Variants in SGCD observed in about 807,000 individuals in gnomAD.
The protein encoded by SGCD is delta-sarcoglycan.
A neutral mutation model predicts 36.6 loss-of-function variants in SGCD; 18 were observed. The observed-to-expected ratio is 0.49, with a 90% CI of 0.34 to 0.73. The LOEUF (loss-of-function observed/expected upper bound fraction) is 0.73. SGCD is among the 30% of genes least tolerant of loss of function. The pLI is 0.01. For missense variants in SGCD, 387 were observed against 346.7 expected, an observed-to-expected ratio of 1.12 and a Z score of -0.92; for synonymous variants, 133 against 130.6, an observed-to-expected ratio of 1.02 and a Z score of -0.12.
chr5:156,381,823 G>A (rs1580902082), intron 3 of SGCD, among the ~76,000 whole-genome samples: 1 of 152,082 alleles, frequency 6.6e-6, no homozygotes, highest in East Asian at 1.9e-4. Context: ...CAACATTTAA[G>A]CCTCTGTGAA....
intron 3 of SGCD, among the ~76,000 whole-genome samples, chr5:156,300,790 G>A (rs528725435): frequency 9.2e-5 from 14 of 152,046 alleles, no homozygotes; most frequent in African/African-American, 1.9e-4. Flanking sequence ...ATATCTGAGC[G>A]CTCCATTCTT....
chr5:156,444,120 TTCC>T (rs1561699507), intron 3 of SGCD, among the ~76,000 whole-genome samples: 8,474 of 35,840 alleles, frequency 0.24, 1,336 homozygotes, highest in African/African-American at 0.44. Flanking sequence ...CTCTCTCCCC[TTCC>T]CTCTCTCTCT....
intron 5 of SGCD, 131 bp downstream of exon 5, chr5:156,589,449 A>G (rs1760634037): frequency 3.3e-6 from 2 of 597,068 alleles, no homozygotes; most frequent in African/African-American, 1.8e-5. Context: ...AAGAGAATGT[A>G]GCATGTGTTC....
At chr5:155,914,002 A>G (rs752014207) in intron 1 of SGCD, among the ~76,000 whole-genome samples, 13 of 152,218 alleles carry the variant, frequency 8.5e-5, no homozygotes, top group Non-Finnish European at 1.3e-4. Context: ...AAAATGTTAC[A>G]GTTAGAATGT....
chr5:156,087,833 T>G (rs1412796369), intron 1 of SGCD, among the ~76,000 whole-genome samples: 1 of 152,136 alleles, frequency 6.6e-6, no homozygotes, highest in Non-Finnish European at 1.5e-5. Flanking sequence ...TAGGTGATTG[T>G]ACCAGCGAAA....
intron 5 of SGCD, among the ~76,000 whole-genome samples, chr5:156,592,974 G>A (rs1018030583): frequency 7.9e-5 from 12 of 152,236 alleles, no homozygotes; most frequent in African/African-American, 2.9e-4. Context: ...GTAGAATGGC[G>A]ACATCCACAA....
At chr5:155,730,445 C>CTGTGTGTG in the SGCD span, among the ~76,000 whole-genome samples, 41,014 of 137,126 alleles carry the variant, frequency 0.3, 6,702 homozygotes, top group East Asian at 0.45. Flanking sequence ...GGTAGAGCAG[C>CTGTGTGTG]TGTGTGTGTG....
intron 2 of SGCD, among the ~76,000 whole-genome samples, chr5:156,335,915 G>T (rs1294171364): frequency 6.6e-6 from 1 of 152,158 alleles, no homozygotes; most frequent in Non-Finnish European, 1.5e-5. Context: ...GTAGTCGCGG[G>T]CACCTGTTCT....
intron 4 of SGCD, among the ~76,000 whole-genome samples, chr5:156,519,782 G>A (rs1038254715): frequency 1.3e-5 from 2 of 152,132 alleles, no homozygotes. Context: ...TATCTCAATA[G>A]ACTCAGAAAA....
chr5:156,230,977 G>A (rs368501645), intron 3 of SGCD, among the ~76,000 whole-genome samples: 33 of 152,026 alleles, frequency 2.2e-4, no homozygotes, highest in Middle Eastern at 6.8e-3. Flanking sequence ...TCTTCTCAAC[G>A]TTAAGGATAC....
chr5:156,329,864 A>G lies in SGCD; in HGVS notation c.3+285A>G, dbSNP rs142576328. Among the ~76,000 whole-genome samples, 7,191 of 151,832 alleles carry G rather than the reference A, an allele frequency of 0.047. 324 individuals are homozygous for G. Among genetic ancestry groups the G allele is most frequent in the African/African-American group, 0.11 (4,467 of 41,348 alleles). The stretch of plus-strand genomic sequence containing the variant: ...AATCCCATCTATACTAAAAATACCA[A>G]AAATTAGCCGGACATGGTGGTGGGC... On this transcript the variant is annotated intron_variant, in intron 2 of 8. Transcript: ENST00000337851.
At chr5:155,901,533 C>G (rs1175429892) in intron 1 of SGCD, among the ~76,000 whole-genome samples, 1 of 152,066 alleles carries the variant, frequency 6.6e-6, no homozygotes, top group Non-Finnish European at 1.5e-5. Flanking sequence ...GCCTGTGTCT[C>G]TTGGATAGTA....
intron 1 of SGCD, among the ~76,000 whole-genome samples, chr5:156,001,061 G>A (rs1018484879): frequency 6.6e-6 from 1 of 152,168 alleles, no homozygotes; most frequent in African/African-American, 2.4e-5. Context: ...CACATAAAGA[G>A]AGGAATAGGG....
At chr5:156,733,806 C>G (rs1291465241) in intron 7 of SGCD, among the ~76,000 whole-genome samples, 2 of 152,114 alleles carry the variant, frequency 1.3e-5, no homozygotes, top group African/African-American at 4.8e-5. Context: ...AAGATTACAA[C>G]CCCTGCTTTT....
intron 1 of SGCD, among the ~76,000 whole-genome samples, chr5:155,980,679 A>G (rs903470973): frequency 2.0e-5 from 3 of 146,342 alleles, no homozygotes; most frequent in African/African-American, 7.6e-5. Context: ...AAGGCCGCTT[A>G]GTACATGGAC....
At chr5:155,735,555 C>T in the SGCD span, among the ~76,000 whole-genome samples, 1 of 152,150 alleles carries the variant, frequency 6.6e-6, no homozygotes, top group Admixed American at 6.5e-5. Flanking sequence ...GTGTGAATGC[C>T]AGTGGTTTCT....
intron 4 of SGCD, among the ~76,000 whole-genome samples, chr5:156,528,600 C>CA (rs1757741563): frequency 6.6e-6 from 1 of 152,076 alleles, no homozygotes; most frequent in Non-Finnish European, 1.5e-5. Context: ...ACTAAGTATT[C>CA]AACTATGTAG....
chr5:156,551,507 G>A (rs1227852367), intron 4 of SGCD, among the ~76,000 whole-genome samples: 1 of 152,088 alleles, frequency 6.6e-6, no homozygotes, highest in Non-Finnish European at 1.5e-5. Context: ...ACAGGGCAGG[G>A]TTTTGCGGGG....
chr5:156,113,275 T>A (rs1023727442), intron 1 of SGCD, among the ~76,000 whole-genome samples: 1 of 152,212 alleles, frequency 6.6e-6, no homozygotes, highest in East Asian at 1.9e-4. Flanking sequence ...TCATTTCACT[T>A]GTTTTTGACC....
Sources: gnomAD v4.1 joint callset for allele counts (sites outside exome capture counted in the v4.1 genomes callset) on GRCh38, gnomAD v4.1.1 for gene constraint, MANE v1.5 for transcripts, NCBI Gene and HGNC (gene_info 2026-07-23, HGNC 2026-07-21) for gene names.